Variants in NPTN observed in about 807,000 individuals in gnomAD.
The protein encoded by NPTN is neuroplastin.
Under a neutral mutation model 42.7 loss-of-function variants are expected in NPTN, and 5 were observed. That is an observed-to-expected ratio of 0.12 (90% confidence interval 0.06 to 0.25). The LOEUF (loss-of-function observed/expected upper bound fraction) is 0.25, where lower values mean the gene tolerates loss of function less well. Ranked by LOEUF, NPTN falls within the 10% of genes least tolerant of loss-of-function variation. NPTN has a pLI of 1.00. For missense variants in NPTN, 307 were observed against 525.4 expected (o/e 0.58, Z 4.06); for synonymous variants, 180 against 201.9 (o/e 0.89, Z 0.92).
chr15:73,561,977 AG>A lies in NPTN; in HGVS notation c.1137-8del, dbSNP rs766458196. 2 of 1,593,452 alleles carry A rather than the reference AG, an allele frequency of 1.3e-6. No individual in the cohort carries two copies. The highest frequency in any genetic ancestry group is 1.7e-6 in the Non-Finnish European group (2 of 1,173,458). ...GTTGGTAGAGTTGGTTTTCCTTTGG[AG>A]GAAAAATTGCATTACATGAGTTAAA... On this transcript the variant is annotated splice_polypyrimidine_tract_variant and splice_region_variant and intron_variant, in intron 7 of 8. Transcript: ENST00000345330.
At chr15:73,591,834 G>A (rs2141399243) in intron 3 of NPTN, 132 bp downstream of exon 3, 1 of 785,794 alleles carries the variant, frequency 1.3e-6, no homozygotes, top group East Asian at 2.6e-5. Context: ...CTGAGATACT[G>A]GATTGGACTC....
intron 1 of NPTN, among the ~76,000 whole-genome samples, chr15:73,604,525 T>C (rs1474541190): frequency 6.6e-6 from 1 of 152,174 alleles, no homozygotes; most frequent in Non-Finnish European, 1.5e-5. Flanking sequence ...TTTGCATATT[T>C]CAGGGGTCTT....
Position 73,592,147 on chromosome 15 carries a change from G to A in NPTN, c.440-10C>T. 6.2e-6 allele frequency: 10 copies of A among 1,611,010 alleles called. No homozygotes were observed. The highest frequency in any genetic ancestry group is 1.7e-5 in the Admixed American group (1 of 59,900). On this transcript the variant is annotated splice_polypyrimidine_tract_variant and intron_variant, in intron 2 of 8. Transcript: ENST00000345330. ...GTGACAATCCTTGGCTCTGTAATAA[G>A]AGTGCACAATGATAGGGGGCAATAG... is the stretch of plus-strand genomic sequence containing the variant.
intron 4 of NPTN, 68 bp from the exon 5 acceptor site, chr15:73,573,863 T>G: frequency 6.4e-7 from 1 of 1,572,046 alleles, no homozygotes; most frequent in East Asian, 2.3e-5. Context: ...GGCCCCACCT[T>G]CTGGCTCAGA....
At chr15:73,579,258 G>A (rs559445276) in intron 4 of NPTN, among the ~76,000 whole-genome samples, 3 of 144,518 alleles carry the variant, frequency 2.1e-5, no homozygotes, top group Non-Finnish European at 1.5e-5. Context: ...CAGCCTGGGC[G>A]ACAGAGGGGA....
intron 1 of NPTN, among the ~76,000 whole-genome samples, chr15:73,626,669 T>C (rs1244434926): frequency 6.6e-6 from 1 of 152,228 alleles, no homozygotes; most frequent in Non-Finnish European, 1.5e-5. Flanking sequence ...CTATGCCTTA[T>C]TAGTATTCTA....
rs1895140294 is a variant in NPTN, at chr15:73,568,106, T to C, written c.1114+2044A>G. 5.1e-6 allele frequency: 5 copies of C among 985,306 alleles called. No individual in the cohort carries two copies. In the Admixed American group the frequency reaches 1.8e-4, roughly 36 times the overall value. 61.0% of individuals were successfully genotyped at this position (985,306 alleles called of 1,614,324 possible). On this transcript the variant is annotated intron_variant, in intron 6 of 8. Coordinates refer to ENST00000345330, the MANE Select transcript of NPTN (RefSeq NM_012428.4). ...TTGATTTCAGTAACCAAGAAAACTC[T>C]TACAAAAAAAGAGCTGCTTCCCTGG...
chr15:73,623,877 G>A (rs1898262180), intron 1 of NPTN, among the ~76,000 whole-genome samples: 1 of 152,160 alleles, frequency 6.6e-6, no homozygotes, highest in South Asian at 2.1e-4. Context: ...GACGATGAGT[G>A]CAAATAACTC....
chr15:73,585,507 A>C (rs893321336), intron 4 of NPTN, among the ~76,000 whole-genome samples: 2 of 152,240 alleles, frequency 1.3e-5, no homozygotes, highest in Non-Finnish European at 2.9e-5. Context: ...CAAACCTTTT[A>C]AAACTTATAC....
At chr15:73,604,262 G>A (rs754496590) in intron 1 of NPTN, among the ~76,000 whole-genome samples, 1 of 152,082 alleles carries the variant, frequency 6.6e-6, no homozygotes, top group Admixed American at 6.5e-5. Flanking sequence ...CCAAGAGCTC[G>A]AGACCGGCCT....
intron 1 of NPTN, among the ~76,000 whole-genome samples, chr15:73,616,227 C>A (rs1249499628): frequency 6.6e-6 from 1 of 152,044 alleles, no homozygotes. Context: ...ACCAAAGGTA[C>A]AAAACACTCT....
intron 3 of NPTN, among the ~76,000 whole-genome samples, chr15:73,589,845 T>C (rs1263504748): frequency 6.6e-6 from 1 of 151,958 alleles, no homozygotes; most frequent in Non-Finnish European, 1.5e-5. Flanking sequence ...ACACCATGCC[T>C]CTTCTTAAAT....
chr15:73,605,110 G>GGGA (rs201330480), intron 1 of NPTN, among the ~76,000 whole-genome samples: 2 of 143,142 alleles, frequency 1.4e-5, no homozygotes, highest in Admixed American at 6.8e-5. Context: ...GGGGGGGGGG[G>GGGA]GAAAAGAATG....
intron 6 of NPTN, among the ~76,000 whole-genome samples, chr15:73,564,445 C>T (rs906195771): frequency 3.3e-5 from 5 of 152,036 alleles, no homozygotes; most frequent in African/African-American, 1.2e-4. Context: ...GCAAAGCCAC[C>T]GCCAGCACAC....
chr15:73,601,046 G>A (rs76081558), intron 1 of NPTN, among the ~76,000 whole-genome samples: 5 of 152,272 alleles, frequency 3.3e-5, no homozygotes, highest in South Asian at 4.2e-4. Context: ...ATAAAACTCC[G>A]CAGTTTGCAA....
At position 73,560,197 on chromosome 15, in the gene NPTN, C is replaced by A; in HGVS notation, c.*866G>T. On this transcript the variant is annotated 3_prime_UTR_variant, in exon 9 of 9. Coordinates refer to ENST00000345330, the MANE Select transcript of NPTN (RefSeq NM_012428.4). The stretch of plus-strand genomic sequence containing the variant: ...CAATGTGAAAAAATACAGTGTCAAA[C>A]CAAAAAGTATAACTATAGTTGCATA... The A allele has an allele frequency of 3.8e-6, 1 of 260,588 alleles. No individual in the cohort carries two copies. Among genetic ancestry groups the A allele is most frequent in the Non-Finnish European group, 7.2e-6 (1 of 139,080 alleles). 16.1% of individuals were successfully genotyped at this position (260,588 alleles called of 1,614,324 possible).
intron 6 of NPTN, chr15:73,568,947 A>T: frequency 1.0e-6 from 1 of 985,532 alleles, no homozygotes; most frequent in Non-Finnish European, 1.2e-6. Flanking sequence ...AGCCACTGGC[A>T]TGCCTCTGGG....
chr15:73,596,903 C>T, intron 2 of NPTN, 119 bp downstream of exon 2: 7 of 810,344 alleles, frequency 8.6e-6, no homozygotes, highest in South Asian at 5.8e-5. Context: ...GAAAAAAAAA[C>T]GAAGACAAGG....
chr15:73,621,257 G>A (rs1898126918), intron 1 of NPTN, among the ~76,000 whole-genome samples: 1 of 151,906 alleles, frequency 6.6e-6, no homozygotes, highest in Non-Finnish European at 1.5e-5. Flanking sequence ...TAGTAGAGAG[G>A]AATAATTAAT....
Sources: gnomAD v4.1 joint callset for allele counts (sites outside exome capture counted in the v4.1 genomes callset) on GRCh38, gnomAD v4.1.1 for gene constraint, MANE v1.5 for transcripts, NCBI Gene and HGNC (gene_info 2026-07-23, HGNC 2026-07-21) for gene names.